Variants in SGPP2 observed in about 807,000 individuals in gnomAD.
SGPP2 encodes sphingosine 1-phosphate phosphohydrolase 2.
In SGPP2, 30 loss-of-function variants were observed where a neutral mutation model predicts 33.9. The ratio of observed to expected loss-of-function variants is 0.89; its 90% CI spans 0.66 to 1.20. The LOEUF (loss-of-function observed/expected upper bound fraction) is 1.20, where lower values mean the gene tolerates loss of function less well. SGPP2 is among the 50% of genes most tolerant of loss of function. The probability of loss-of-function intolerance (pLI) is 0.00; values close to 1 mark genes in which losing one functional copy is unlikely to be tolerated. For synonymous variants in SGPP2, 233 were observed against 225.0 expected, an observed-to-expected ratio of 1.04 and a Z score of -0.32; for missense variants, 458 against 532.1, an observed-to-expected ratio of 0.86 and a Z score of 1.37.
chr2:222,427,011 C>T (rs1289284207), intron 1 of SGPP2, among the ~76,000 whole-genome samples: 1 of 152,194 alleles, frequency 6.6e-6, no homozygotes, highest in Non-Finnish European at 1.5e-5. Context: ...TCTGACCTTC[C>T]AGCCTAGCTC....
Position 222,562,009 on chromosome 2 carries a change from A to C in SGPP2, c.*3111A>C, listed in dbSNP as rs1179147929. ...ATTTGGAGTTTCTCTCTGGGGAAAG[A>C]GAGCCCCCTACTGGTTTGGCTTCAG... On this transcript the variant is annotated 3_prime_UTR_variant, in exon 5 of 5. Transcript: ENST00000321276. 3.3e-5 allele frequency among the ~76,000 whole-genome samples: 5 copies of C among 152,132 alleles called. No individual in the cohort carries two copies. The highest frequency in any genetic ancestry group is 7.4e-5 in the Non-Finnish European group (5 of 68,022).
chr2:222,496,434 G>A (rs4673024), intron 2 of SGPP2, among the ~76,000 whole-genome samples: 82,289 of 152,020 alleles, frequency 0.54, 22,753 homozygotes, highest in Admixed American at 0.68. Context: ...TCAGGCCTGC[G>A]TCATCTTTAT....
intron 2 of SGPP2, among the ~76,000 whole-genome samples, chr2:222,489,971 TA>T (rs546024373): frequency 6.6e-6 from 1 of 151,988 alleles, no homozygotes; most frequent in Non-Finnish European, 1.5e-5. Context: ...GTCTCAAAAA[TA>T]AATAAATAAA....
At chr2:222,543,770 G>T (rs1391105489) in intron 4 of SGPP2, among the ~76,000 whole-genome samples, 2 of 152,084 alleles carry the variant, frequency 1.3e-5, no homozygotes, top group Non-Finnish European at 2.9e-5. Flanking sequence ...TATAAGTATT[G>T]GTATCAGATA....
At chr2:222,527,325 G>A (rs1311301015) in intron 4 of SGPP2, among the ~76,000 whole-genome samples, 1 of 152,190 alleles carries the variant, frequency 6.6e-6, no homozygotes, top group South Asian at 2.1e-4. Context: ...ATATTGACTT[G>A]ATGGTGATGG....
chr2:222,552,503 C>T (rs1256803621), intron 4 of SGPP2, among the ~76,000 whole-genome samples: 1 of 152,116 alleles, frequency 6.6e-6, no homozygotes, highest in African/African-American at 2.4e-5. Flanking sequence ...TAAAAGACTA[C>T]AAATTGGGTG....
At chr2:222,521,566 C>T (rs1163770254) in intron 2 of SGPP2, among the ~76,000 whole-genome samples, 1 of 152,236 alleles carries the variant, frequency 6.6e-6, no homozygotes, top group Non-Finnish European at 1.5e-5. Context: ...CTTAGTTGCT[C>T]AGTGGTCCTA....
At chr2:222,515,143 T>C (rs1574871808) in intron 2 of SGPP2, among the ~76,000 whole-genome samples, 1 of 152,180 alleles carries the variant, frequency 6.6e-6, no homozygotes, top group Admixed American at 6.5e-5. Flanking sequence ...TTCCTTCAAG[T>C]CTTGATGTCC....
At chr2:222,507,683 T>TGTCTCC (rs1698464796) in intron 2 of SGPP2, among the ~76,000 whole-genome samples, 1 of 152,200 alleles carries the variant, frequency 6.6e-6, no homozygotes, top group Non-Finnish European at 1.5e-5. Context: ...TTGCAAAGCA[T>TGTCTCC]GTCTCCTGCC....
chr2:222,496,785 A>G (rs566913425), intron 2 of SGPP2, among the ~76,000 whole-genome samples: 30 of 152,270 alleles, frequency 2.0e-4, no homozygotes, highest in African/African-American at 7.0e-4. Flanking sequence ...GTCTCAGTGC[A>G]GTCATCATCT....
chr2:222,517,771 C>A (rs533367676), intron 2 of SGPP2, among the ~76,000 whole-genome samples: 11 of 152,310 alleles, frequency 7.2e-5, no homozygotes, highest in South Asian at 2.1e-4. Flanking sequence ...TGTGTGCTTC[C>A]CCTCCTATAA....
intron 1 of SGPP2, among the ~76,000 whole-genome samples, chr2:222,471,892 A>T (rs16863731): frequency 0.018 from 2,692 of 152,240 alleles, 86 homozygotes; most frequent in African/African-American, 0.061. Context: ...TGACCATGTT[A>T]TTGTTTTTTA....
chr2:222,543,292 G>C (rs574883931), intron 4 of SGPP2, among the ~76,000 whole-genome samples: 1 of 152,228 alleles, frequency 6.6e-6, no homozygotes, highest in African/African-American at 2.4e-5. Flanking sequence ...ACCATTTATT[G>C]AAAGGGTTAC....
intron 4 of SGPP2, among the ~76,000 whole-genome samples, chr2:222,544,923 T>C (rs949384816): frequency 6.6e-6 from 1 of 152,190 alleles, no homozygotes; most frequent in Non-Finnish European, 1.5e-5. Flanking sequence ...GCCTGACTTG[T>C]TATTATAAAA....
chr2:222,536,969 C>A (rs1029341085), intron 4 of SGPP2, among the ~76,000 whole-genome samples: 7 of 151,938 alleles, frequency 4.6e-5, no homozygotes, highest in African/African-American at 1.7e-4. Context: ...AAAATGTCAA[C>A]CTAGTTCAAT....
chr2:222,530,974 T>A (rs1357122283), intron 4 of SGPP2, among the ~76,000 whole-genome samples: 11 of 152,118 alleles, frequency 7.2e-5, no homozygotes, highest in African/African-American at 2.7e-4. Context: ...TTGGAGGCTG[T>A]AGTGAGGTAT....
intron 4 of SGPP2, among the ~76,000 whole-genome samples, chr2:222,534,095 A>G (rs7585087): frequency 0.021 from 3,162 of 152,284 alleles, 80 homozygotes; most frequent in African/African-American, 0.058. Context: ...CATCTATAGC[A>G]TGGCATTTTT....
chr2:222,548,766 A>G (rs565263411), intron 4 of SGPP2, among the ~76,000 whole-genome samples: 1 of 152,226 alleles, frequency 6.6e-6, no homozygotes, highest in Non-Finnish European at 1.5e-5. Context: ...AATTACATGT[A>G]GGTTTCTCTC....
Position 222,559,016 on chromosome 2 carries a change from G to A in SGPP2, c.*118G>A, listed in dbSNP as rs1689474351. On this transcript the variant is annotated 3_prime_UTR_variant, in exon 5 of 5. Transcript: ENST00000321276. ...AACAACAACAAAAAGTCATACGGCT[G>A]TCTTGCTACTACCAGATAAATGATG... The A allele has an allele frequency of 2.2e-6, 2 of 920,730 alleles. No homozygotes were observed. The highest frequency in any genetic ancestry group is 5.1e-5 in the East Asian group (2 of 38,938). The allele number at this position is 920,730 out of a possible 1,614,324, so 57.0% of individuals were successfully genotyped here. A position where few individuals can be genotyped will look rare whatever the true frequency, so the allele number is the denominator to read the frequency against.
Sources: gnomAD v4.1 joint callset for allele counts (sites outside exome capture counted in the v4.1 genomes callset) on GRCh38, gnomAD v4.1.1 for gene constraint, MANE v1.5 for transcripts, NCBI Gene and HGNC (gene_info 2026-07-23, HGNC 2026-07-21) for gene names.